JAZF1: variants seen among roughly 807,000 people sequenced by gnomAD.
JAZF1 encodes juxtaposed with another zinc finger protein 1.
A neutral mutation model predicts 26.4 loss-of-function variants in JAZF1; 8 were observed. That is an observed-to-expected ratio of 0.30 (90% CI 0.18 to 0.55). The LOEUF (loss-of-function observed/expected upper bound fraction) is 0.55. JAZF1 is among the 20% of genes least tolerant of loss of function. The pLI, the probability that JAZF1 is intolerant of heterozygous loss-of-function variation, is 0.94. For missense variants in JAZF1, 199 were observed against 322.0 expected (o/e 0.62, Z 2.92); for synonymous variants, 126 against 122.3 (o/e 1.03, Z -0.20).
chr7:27,864,346 G>GA (rs765014427), intron 3 of JAZF1, among the ~76,000 whole-genome samples: 1 of 152,090 alleles, frequency 6.6e-6, no homozygotes, highest in Non-Finnish European at 1.5e-5. Flanking sequence ...CACATTCTCA[G>GA]AAAAAGATGA....
intron 1 of JAZF1, among the ~76,000 whole-genome samples, chr7:28,126,359 G>T (rs757730): frequency 0.9 from 136,482 of 152,042 alleles, 61,483 homozygotes; most frequent in East Asian, 0.98. Flanking sequence ...TAAATAAACT[G>T]AGAAACAATA....
chr7:27,973,441 G>T (rs1374030507), intron 2 of JAZF1, among the ~76,000 whole-genome samples: 2 of 152,018 alleles, frequency 1.3e-5, no homozygotes, highest in Non-Finnish European at 2.9e-5. Flanking sequence ...GGGACTACAG[G>T]CTCATGCCTC....
rs945943178 is a variant in JAZF1, at chr7:28,148,360, C to T, written c.115+32103G>A. Among the ~76,000 whole-genome samples the T allele has an allele frequency of 3.3e-5, 5 of 152,096 alleles. 1 individual carries two copies. The highest frequency in any genetic ancestry group is 1.2e-4 in the African/African-American group (5 of 41,384). On this transcript the variant is annotated intron_variant, in intron 1 of 4. Transcript: ENST00000283928. ...TGCTGGGATTATAGGCGTGAGCCAC[C>T]GCGCCTGGCCCACGTGTTTCTTTAG...
intron 2 of JAZF1, among the ~76,000 whole-genome samples, chr7:27,902,851 C>G (rs1784187964): frequency 6.6e-6 from 1 of 151,974 alleles, no homozygotes; most frequent in Admixed American, 6.6e-5. Context: ...CCCATCTCTA[C>G]TAAAAATACA....
chr7:28,162,068 C>T (rs1422056772), intron 1 of JAZF1, among the ~76,000 whole-genome samples: 1 of 152,172 alleles, frequency 6.6e-6, no homozygotes, highest in Non-Finnish European at 1.5e-5. Flanking sequence ...CTCCATTAAA[C>T]CATTAGGCTA....
intron 1 of JAZF1, among the ~76,000 whole-genome samples, chr7:28,110,607 A>G (rs13308288): frequency 0.3 from 20,074 of 66,036 alleles, 5,855 homozygotes; most frequent in African/African-American, 0.57. Flanking sequence ...GAAAAGGAAA[A>G]GGAAAGGAAA....
chr7:27,946,646 G>A (rs1784928513), intron 2 of JAZF1, among the ~76,000 whole-genome samples: 1 of 152,196 alleles, frequency 6.6e-6, no homozygotes, highest in Non-Finnish European at 1.5e-5. Context: ...GGGATTTGTG[G>A]TTTTAAATCT....
At chr7:27,873,188 G>C (rs1195834210) in intron 3 of JAZF1, among the ~76,000 whole-genome samples, 2 of 152,100 alleles carry the variant, frequency 1.3e-5, no homozygotes, top group African/African-American at 4.8e-5. Context: ...TTTCCGACAA[G>C]GTCTTCATAC....
intron 3 of JAZF1, among the ~76,000 whole-genome samples, chr7:27,877,952 A>AT (rs1156601323): frequency 1.3e-5 from 2 of 152,142 alleles, no homozygotes; most frequent in Admixed American, 6.5e-5. Context: ...AAGGGGGACC[A>AT]TCTACAAAAG....
intron 1 of JAZF1, chr7:28,020,587 T>C (rs1554282459): frequency 7.4e-5 from 35 of 471,248 alleles, no homozygotes; most frequent in South Asian, 5.3e-4. Context: ...TGCATATTCG[T>C]ACAACAACCA....
At chr7:28,142,743 G>T (rs1276608904) in intron 1 of JAZF1, among the ~76,000 whole-genome samples, 1 of 152,180 alleles carries the variant, frequency 6.6e-6, no homozygotes, top group African/African-American at 2.4e-5. Context: ...TTCGTCAAAA[G>T]AGGTACCACT....
intron 1 of JAZF1, among the ~76,000 whole-genome samples, chr7:28,130,570 G>C (rs1782777501): frequency 6.6e-6 from 1 of 152,184 alleles, no homozygotes. Context: ...GTAGTCACAT[G>C]AATGTAGGCA....
At chr7:27,934,833 C>T (rs1784742659) in intron 2 of JAZF1, among the ~76,000 whole-genome samples, 1 of 151,994 alleles carries the variant, frequency 6.6e-6, no homozygotes, top group African/African-American at 2.4e-5. Flanking sequence ...GCACAAGTGA[C>T]AAAAGAAAAA....
At chr7:27,852,677 C>CGAGATG (rs1783172938) in intron 3 of JAZF1, among the ~76,000 whole-genome samples, 1 of 152,134 alleles carries the variant, frequency 6.6e-6, no homozygotes, top group Non-Finnish European at 1.5e-5. Flanking sequence ...ATCTGCTAAA[C>CGAGATG]GAGATGGAGA....
In JAZF1 at chr7:27,952,438, G is replaced by A. The variant is rs147955038; in HGVS notation, c.188+39471C>T. ...TAGGGGACCTTTCCCCACTTTCCAC[G>A]AGGGGCTTTGCCCATGCAGACACAA... On this transcript the variant is annotated intron_variant, in intron 2 of 4. Transcript: ENST00000283928. Among the ~76,000 whole-genome samples, 716 of 152,342 alleles carry A rather than the reference G, an allele frequency of 4.7e-3. 7 individuals carry two copies. Among genetic ancestry groups the A allele is most frequent in the Middle Eastern group, 0.014 (4 of 294 alleles).
intron 2 of JAZF1, among the ~76,000 whole-genome samples, chr7:27,974,139 G>T (rs1008911520): frequency 6.6e-6 from 1 of 152,064 alleles, no homozygotes; most frequent in Non-Finnish European, 1.5e-5. Context: ...AAAATAACGG[G>T]CCTGGCACTA....
At chr7:28,070,021 C>G (rs941400472) in intron 1 of JAZF1, among the ~76,000 whole-genome samples, 1 of 152,198 alleles carries the variant, frequency 6.6e-6, no homozygotes, top group Non-Finnish European at 1.5e-5. Context: ...TCACGGCACA[C>G]TGCACTTTGT....
intron 1 of JAZF1, among the ~76,000 whole-genome samples, chr7:28,007,078 T>A (rs149931883): frequency 6.6e-6 from 1 of 152,312 alleles, no homozygotes; most frequent in African/African-American, 2.4e-5. Context: ...GCTACTGCAA[T>A]GGGATGTCAA....
chr7:27,900,898 G>T (rs1784152486), intron 2 of JAZF1, among the ~76,000 whole-genome samples: 1 of 151,472 alleles, frequency 6.6e-6, no homozygotes, highest in African/African-American at 2.4e-5. Context: ...CACACATAAA[G>T]ATTTTAATAA....
Sources: gnomAD v4.1 joint callset for allele counts (sites outside exome capture counted in the v4.1 genomes callset) on GRCh38, gnomAD v4.1.1 for gene constraint, MANE v1.5 for transcripts, NCBI Gene and HGNC (gene_info 2026-07-23, HGNC 2026-07-21) for gene names.